The following AOPEP variants were observed in gnomAD, a reference collection of about 807,000 sequenced individuals.
AOPEP encodes aminopeptidase O (putative), also known as aminopeptidase O.
AOPEP carries 77 observed loss-of-function variants against 98.1 expected under a neutral mutation model. That is an observed-to-expected ratio of 0.78 (90% CI 0.65 to 0.95). The LOEUF (loss-of-function observed/expected upper bound fraction) is 0.95. Among genes scored for constraint, AOPEP ranks in the 40% least tolerant of loss-of-function variants. The pLI, the probability that AOPEP is intolerant of heterozygous loss-of-function variation, is 0.00. For missense variants in AOPEP, 1,024 were observed against 1,024.7 expected, an observed-to-expected ratio of 1.00 and a Z score of 0.01; for synonymous variants, 346 against 365.3, an observed-to-expected ratio of 0.95 and a Z score of 0.60.
chr9:95,002,906 G>A (rs896857067), intron 11 of AOPEP, among the ~76,000 whole-genome samples: 3 of 152,212 alleles, frequency 2.0e-5, no homozygotes, highest in African/African-American at 4.8e-5. Flanking sequence ...GGACAAACGA[G>A]ACAAGAGGCA....
chr9:94,834,152 A>G (rs2041256085), intron 5 of AOPEP, among the ~76,000 whole-genome samples: 1 of 152,218 alleles, frequency 6.6e-6, no homozygotes, highest in Admixed American at 6.5e-5. Flanking sequence ...ATATCTGCTT[A>G]CCAATTTACA....
chr9:94,832,933 ATT>A (rs564875203), intron 5 of AOPEP, among the ~76,000 whole-genome samples: 64 of 136,342 alleles, frequency 4.7e-4, no homozygotes, highest in Admixed American at 4.5e-4. Flanking sequence ...TGTAAATTTG[ATT>A]TTTTTTTTTT....
rs573027057 is a variant in AOPEP at position 94,933,399 on chromosome 9, C to CT, written c.1661+4875dup. Reference sequence around the variant, plus strand: ...TTGTTTGTGATTTATTATGACTTCTCTTTTTTTCTGGATTCATTGTTAAAT... The same window carrying CT: ...TTGTTTGTGATTTATTATGACTTCTCTTTTTTTTCTGGATTCATTGTTAAAT... On this transcript the variant is annotated intron_variant, in intron 7 of 16. Transcript: ENST00000375315. The CT allele has an allele frequency of 4.1e-6, 4 of 985,288 alleles. No homozygotes were observed. In the African/African-American group the frequency reaches 5.2e-5, roughly 13 times the overall value. 61.0% of individuals were successfully genotyped at this position (985,288 alleles called of 1,614,324 possible).
chr9:94,845,996 G>A (rs1172901155), intron 5 of AOPEP, among the ~76,000 whole-genome samples: 3 of 152,090 alleles, frequency 2.0e-5, no homozygotes, highest in Non-Finnish European at 4.4e-5. Flanking sequence ...TGGGGAGGCT[G>A]AAGCAGGAGA....
chr9:94,834,830 A>G (rs1023935452), intron 5 of AOPEP, among the ~76,000 whole-genome samples: 3 of 152,000 alleles, frequency 2.0e-5, no homozygotes, highest in Admixed American at 6.6e-5. Flanking sequence ...ACATACATAC[A>G]TACATACATA....
chr9:94,806,688 T>C (rs1849333701), intron 5 of AOPEP, among the ~76,000 whole-genome samples: 1 of 152,214 alleles, frequency 6.6e-6, no homozygotes, highest in Admixed American at 6.5e-5. Context: ...TCTAATGTGT[T>C]CTGGTTCTTT....
intron 5 of AOPEP, among the ~76,000 whole-genome samples, chr9:94,829,799 G>A (rs951004634): frequency 1.3e-5 from 2 of 152,152 alleles, no homozygotes; most frequent in Admixed American, 6.5e-5. Context: ...GGGAACAAAT[G>A]CCTTGACTCT....
chr9:95,149,791 A>C, the AOPEP span: 2 of 1,066,380 alleles, frequency 1.9e-6, no homozygotes, highest in Non-Finnish European at 2.8e-6. Flanking sequence ...GATACTCAGT[A>C]ATTTTTAAGA....
At chr9:94,911,862 T>A (rs1464900146) in intron 5 of AOPEP, among the ~76,000 whole-genome samples, 1 of 152,176 alleles carries the variant, frequency 6.6e-6, no homozygotes, top group African/African-American at 2.4e-5. Flanking sequence ...TTTTAACTTT[T>A]CATTGCAGTG....
In AOPEP at chr9:94,862,537, C is replaced by T. The variant is rs551998364; in HGVS notation, c.1365-61449C>T. 6.6e-5 allele frequency among the ~76,000 whole-genome samples: 10 copies of T among 152,240 alleles called. No homozygotes were observed. The South Asian group carries it at 8.3e-4, about 13-fold the overall frequency. Reference sequence around the variant, plus strand: ...CATGCTCTGTTCATTACTGAAACAGCGGTTTGCCTGCGACTGGTCCCCACC... The same window carrying T: ...CATGCTCTGTTCATTACTGAAACAGTGGTTTGCCTGCGACTGGTCCCCACC... On this transcript the variant is annotated intron_variant, in intron 5 of 16. Coordinates refer to ENST00000375315, the MANE Select transcript of AOPEP (RefSeq NM_001193329.3).
chr9:94,832,980 C>T (rs139260747), intron 5 of AOPEP, among the ~76,000 whole-genome samples: 1,660 of 149,044 alleles, frequency 0.011, 34 homozygotes, highest in African/African-American at 0.039. Flanking sequence ...GTTGCCCAGG[C>T]GGGAGTGCAG....
Position 94,955,917 on chromosome 9 carries a change from C to T in AOPEP, c.1774C>T (p.Leu592Phe). Residue 592 changes from leucine (L) to phenylalanine (F), a missense_variant, in exon 9 of 17, where the codon CTT becomes TTT. This residue lies in a region of AOPEP where 566 missense variants were observed against 551.7 expected (regional missense o/e 1.03). Coordinates refer to ENST00000375315, the MANE Select transcript of AOPEP (RefSeq NM_001193329.3). Reference protein sequence around the residue: ...MQVHYLKGYFLLRFLAKRLGD... With the variant: ...MQVHYLKGYFFLRFLAKRLGD... Reference sequence around the variant, plus strand: ...TTTTTCTTTCTTCTAGGGCTACTTCCTTCTTCGGTTTCTTGCCAAAAGACT... The same window carrying T: ...TTTTTCTTTCTTCTAGGGCTACTTCTTTCTTCGGTTTCTTGCCAAAAGACT... 2 of 1,610,562 alleles carry T rather than the reference C, an allele frequency of 1.2e-6. No individual in the cohort carries two copies. The highest frequency in any genetic ancestry group is 1.7e-6 in the Non-Finnish European group (2 of 1,178,402).
chr9:94,736,098 C>T (rs551548457), intron 1 of AOPEP, among the ~76,000 whole-genome samples: 1 of 152,238 alleles, frequency 6.6e-6, no homozygotes, highest in Non-Finnish European at 1.5e-5. Context: ...TTTTGCTGTG[C>T]GTATGTTTTT....
At chr9:95,006,047 G>C (rs752379749) in intron 13 of AOPEP, 52 of 473,014 alleles carry the variant, frequency 1.1e-4, no homozygotes, top group South Asian at 2.9e-4. Flanking sequence ...GAAGAAAGAA[G>C]TGGATTACTT....
At chr9:94,748,479 A>T (rs968859823) in intron 1 of AOPEP, among the ~76,000 whole-genome samples, 3 of 152,222 alleles carry the variant, frequency 2.0e-5, no homozygotes, top group Non-Finnish European at 4.4e-5. Flanking sequence ...AGTTGCAAAC[A>T]TAGTATAGGG....
rs1195816736 is a variant in AOPEP, at chr9:94,979,369, T to C, written c.1919T>C (p.Leu640Pro). ...TTTTTGTTGTTTTATTTCTAAAGGC[T>C]TGAGCTGTCTGTTGAAAACATCTAC... is the stretch of plus-strand genomic sequence containing the variant. ...LLENIPEEKR[L>P]ELSVENIYQD... Residue 640 changes from leucine (L) to proline (P), a missense_variant and splice_region_variant, in exon 11 of 17, where the codon CTT (leucine) becomes CCT (proline). Leu to Pro is a moderately conservative substitution (Grantham distance 98, BLOSUM62 -3). Coordinates refer to ENST00000375315, the MANE Select transcript of AOPEP (RefSeq NM_001193329.3). 1 of 1,598,818 alleles carries C rather than the reference T, an allele frequency of 6.3e-7. No individual in the cohort carries two copies. The highest frequency in any genetic ancestry group is 8.6e-7 in the Non-Finnish European group (1 of 1,169,360).
At chr9:94,870,092 G>A (rs1172699675) in intron 5 of AOPEP, among the ~76,000 whole-genome samples, 3 of 148,824 alleles carry the variant, frequency 2.0e-5, no homozygotes, top group African/African-American at 7.5e-5. Context: ...GGGTTCAAGC[G>A]ATTCTCCTGC....
Position 94,995,280 on chromosome 9 carries a change from A to G in AOPEP, c.1978-9878A>G, listed in dbSNP as rs78918808. ...TTTACTTAGGTTCAAAATACCAGATAGACTTTTGTTTCTGAGGGGAAAGAG... is the reference window on the plus strand; with the variant it reads ...TTTACTTAGGTTCAAAATACCAGATGGACTTTTGTTTCTGAGGGGAAAGAG... On this transcript the variant is annotated intron_variant, in intron 11 of 16. Transcript: ENST00000375315. Among the ~76,000 whole-genome samples, 1,049 of 152,314 alleles carry G rather than the reference A, an allele frequency of 6.9e-3. 14 individuals carry two copies. Among genetic ancestry groups the G allele is most frequent in the African/African-American group, 0.024 (1,012 of 41,554 alleles).
At chr9:95,141,989 T>TG in the AOPEP span, among the ~76,000 whole-genome samples, 1 of 136,426 alleles carries the variant, frequency 7.3e-6, no homozygotes, top group Admixed American at 7.3e-5. Context: ...TGTGGGGTTT[T>TG]TTTTTTTTTT....
Sources: gnomAD v4.1 joint callset for allele counts (sites outside exome capture counted in the v4.1 genomes callset) on GRCh38, gnomAD v4.1.1 for gene constraint, gnomAD v4.1.1 regional missense constraint, MANE v1.5 for transcripts, NCBI Gene and HGNC (gene_info 2026-07-23, HGNC 2026-07-21) for gene names.